The following NRXN3 variants were observed in gnomAD, a reference collection of about 807,000 sequenced individuals.
NRXN3 encodes neurexin 3, also known as neurexin III.
NRXN3 carries 32 observed loss-of-function variants against 137.6 expected under a neutral mutation model. The ratio of observed to expected loss-of-function variants is 0.23; its 90% CI spans 0.18 to 0.31. The LOEUF is 0.31. Among genes scored for constraint, NRXN3 ranks in the 10% least tolerant of loss-of-function variants. The pLI is 1.00. For synonymous variants in NRXN3, 798 were observed against 784.5 expected (o/e 1.02, Z -0.29); for missense variants, 1,574 against 2,062.5 (o/e 0.76, Z 4.59).
intron 19 of NRXN3, among the ~76,000 whole-genome samples, chr14:79,707,676 T>G (rs2098786247): frequency 6.6e-6 from 1 of 152,216 alleles, no homozygotes; most frequent in Admixed American, 6.5e-5. Flanking sequence ...TTTTTTATTC[T>G]GTTGCTAGTT....
chr14:78,594,840 G>A (rs568408571), intron 4 of NRXN3, among the ~76,000 whole-genome samples: 2 of 152,330 alleles, frequency 1.3e-5, no homozygotes, highest in East Asian at 3.9e-4. Flanking sequence ...GGTTCCCCAT[G>A]AACATTTCAG....
chr14:79,465,549 C>A (rs1380873797), intron 15 of NRXN3, among the ~76,000 whole-genome samples: 2 of 152,172 alleles, frequency 1.3e-5, no homozygotes, highest in East Asian at 1.9e-4. Context: ...GGAAGGATGA[C>A]ATATGACACA....
intron 16 of NRXN3, among the ~76,000 whole-genome samples, chr14:79,482,456 G>T (rs983712635): frequency 6.6e-6 from 1 of 152,072 alleles, no homozygotes; most frequent in Admixed American, 6.6e-5. Context: ...CTCGCTATCT[G>T]GTTCTATTTC....
intron 10 of NRXN3, among the ~76,000 whole-genome samples, chr14:78,833,663 G>A (rs995275863): frequency 6.6e-6 from 1 of 152,150 alleles, no homozygotes; most frequent in Non-Finnish European, 1.5e-5. Context: ...AACTATCAGG[G>A]TAGAGGGAAA....
intron 19 of NRXN3, among the ~76,000 whole-genome samples, chr14:79,739,572 A>G (rs1047193000): frequency 1.5e-5 from 2 of 132,680 alleles, no homozygotes; most frequent in African/African-American, 5.7e-5. Context: ...GGAACCCAGG[A>G]GGCGGAGGTT....
intron 15 of NRXN3, among the ~76,000 whole-genome samples, chr14:79,410,620 C>T (rs1049691861): frequency 1.3e-5 from 2 of 152,018 alleles, no homozygotes; most frequent in Admixed American, 6.6e-5. Flanking sequence ...GAGCAAATTA[C>T]TTAACTTCTC....
intron 10 of NRXN3, among the ~76,000 whole-genome samples, chr14:78,939,550 T>G (rs1291490909): frequency 6.6e-6 from 1 of 152,220 alleles, no homozygotes; most frequent in Admixed American, 6.5e-5. Context: ...TGTTACACCA[T>G]TGCCCTCCTG....
At chr14:78,647,172 A>G (rs1409358329) in intron 5 of NRXN3, among the ~76,000 whole-genome samples, 2 of 152,344 alleles carry the variant, frequency 1.3e-5, no homozygotes, top group African/African-American at 4.8e-5. Context: ...CTAAAATAGT[A>G]TCAGGCACAC....
chr14:79,470,901 AGTGTGTGTGTGTGTGTGT>A (rs368554948), intron 16 of NRXN3, among the ~76,000 whole-genome samples: 2 of 118,054 alleles, frequency 1.7e-5, no homozygotes, highest in African/African-American at 7.9e-5. Context: ...AGAGAGAGAG[AGTGTGTGTGTGTGTGTGT>A]GAGAGAGAGA....
At chr14:78,776,225 C>T (rs2098744542) in intron 8 of NRXN3, among the ~76,000 whole-genome samples, 1 of 152,208 alleles carries the variant, frequency 6.6e-6, no homozygotes, top group African/African-American at 2.4e-5. Context: ...CAATTGCCTG[C>T]CCTACCCTTT....
At chr14:79,025,481 C>T (rs769560822) in intron 15 of NRXN3, among the ~76,000 whole-genome samples, 1 of 152,118 alleles carries the variant, frequency 6.6e-6, no homozygotes, top group Non-Finnish European at 1.5e-5. Flanking sequence ...TCCCCCGATA[C>T]CTTGTCTCAA....
chr14:78,681,759 G>A (rs2098078284), intron 6 of NRXN3, among the ~76,000 whole-genome samples: 1 of 152,146 alleles, frequency 6.6e-6, no homozygotes, highest in African/African-American at 2.4e-5. Context: ...CCCCATGTAT[G>A]TTCTCTTATC....
chr14:79,337,321 T>C (rs1038010131), intron 15 of NRXN3, among the ~76,000 whole-genome samples: 19 of 152,308 alleles, frequency 1.2e-4, no homozygotes, highest in African/African-American at 4.1e-4. Context: ...ATGAGCTCAA[T>C]GTTTAATGTC....
At chr14:79,629,192 C>T (rs1464210136) in intron 16 of NRXN3, among the ~76,000 whole-genome samples, 2 of 152,064 alleles carry the variant, frequency 1.3e-5, no homozygotes, top group Non-Finnish European at 2.9e-5. Context: ...TTTATTTTAG[C>T]ATCATTTTGA....
intron 15 of NRXN3, among the ~76,000 whole-genome samples, chr14:79,157,943 G>A (rs116174754): frequency 2.6e-5 from 4 of 151,704 alleles, no homozygotes; most frequent in African/African-American, 9.7e-5. Context: ...TTTGCATATT[G>A]TTTTTTTCTG....
chr14:79,252,813 T>C (rs2076111194), intron 15 of NRXN3, among the ~76,000 whole-genome samples: 1 of 152,172 alleles, frequency 6.6e-6, no homozygotes, highest in Non-Finnish European at 1.5e-5. Context: ...CCCTCTGTTT[T>C]GTAAAGATGA....
intron 15 of NRXN3, among the ~76,000 whole-genome samples, chr14:79,314,984 A>G (rs949132392): frequency 5.9e-5 from 9 of 152,220 alleles, no homozygotes; most frequent in African/African-American, 1.9e-4. Context: ...ACGCCTGCTT[A>G]TTATATGCTA....
chr14:79,526,073 G>A (rs999576241), intron 16 of NRXN3, among the ~76,000 whole-genome samples: 3 of 152,014 alleles, frequency 2.0e-5, no homozygotes, highest in Admixed American at 6.6e-5. Context: ...TTGAGACGGA[G>A]TTTTGCTTTT....
At chr14:78,911,987 G>A (rs563363923) in intron 10 of NRXN3, among the ~76,000 whole-genome samples, 16 of 151,706 alleles carry the variant, frequency 1.1e-4, no homozygotes, top group East Asian at 5.9e-4. Flanking sequence ...TGTTACATAT[G>A]TATACATGTG....
Sources: gnomAD v4.1 joint callset for allele counts (sites outside exome capture counted in the v4.1 genomes callset) on GRCh38, gnomAD v4.1.1 for gene constraint, MANE v1.5 for transcripts, NCBI Gene and HGNC (gene_info 2026-07-23, HGNC 2026-07-21) for gene names.